The following NPSR1 variants were observed in gnomAD, a reference collection of about 807,000 sequenced individuals.
NPSR1 encodes the protein neuropeptide S receptor 1.
NPSR1 carries 48 observed loss-of-function variants against 46.9 expected under a neutral mutation model. The ratio of observed to expected loss-of-function variants is 1.02; its 90% CI spans 0.81 to 1.30. The LOEUF is 1.30. NPSR1 is among the 50% of genes most tolerant of loss of function. The pLI is 0.00. For missense variants in NPSR1, 450 were observed against 449.5 expected, an observed-to-expected ratio of 1.00 and a Z score of -0.01; for synonymous variants, 176 against 168.1, an observed-to-expected ratio of 1.05 and a Z score of -0.36.
chr7:34,701,884 G>C (rs955355744), intron 2 of NPSR1, among the ~76,000 whole-genome samples: 11 of 152,182 alleles, frequency 7.2e-5, no homozygotes, highest in Non-Finnish European at 1.3e-4. Context: ...GTGATTCTTT[G>C]AAGAACATTT....
intron 2 of NPSR1, among the ~76,000 whole-genome samples, chr7:34,711,718 A>T (rs1035617689): frequency 1.1e-4 from 16 of 152,278 alleles, no homozygotes; most frequent in African/African-American, 3.9e-4. Flanking sequence ...CCTAGCCCAG[A>T]GCCTGCTCAA....
downstream of NPSR1, among the ~76,000 whole-genome samples, chr7:34,854,255 T>A (rs1380002120): frequency 1.3e-5 from 2 of 152,134 alleles, no homozygotes; most frequent in Non-Finnish European, 2.9e-5. Context: ...AACAGGGACA[T>A]AAAACAGCTG....
rs536534610 is a variant in NPSR1, at chr7:34,680,539, T to C, written c.148-4013T>C. ...TCCCATGTCCCAGCATTTCCATACC[T>C]AGAATATGTACTAGAGAAAAAAAGT... is the stretch of plus-strand genomic sequence containing the variant. On this transcript the variant is annotated intron_variant, in intron 1 of 8. Coordinates refer to ENST00000360581, the MANE Select transcript of NPSR1 (RefSeq NM_207172.2). Among the ~76,000 whole-genome samples, 407 of 152,246 alleles carry C rather than the reference T, an allele frequency of 2.7e-3. 5 individuals carry two copies. The highest frequency in any genetic ancestry group is 9.3e-3 in the African/African-American group (388 of 41,530).
intron 2 of NPSR1, among the ~76,000 whole-genome samples, chr7:34,706,507 C>G (rs2128699396): frequency 6.6e-6 from 1 of 152,186 alleles, no homozygotes; most frequent in East Asian, 1.9e-4. Context: ...GCTAATTCTA[C>G]TTTTTATTGT....
intron 2 of NPSR1, among the ~76,000 whole-genome samples, chr7:34,748,566 G>T (rs577278779): frequency 2.8e-4 from 42 of 152,294 alleles, no homozygotes; most frequent in African/African-American, 9.4e-4. Context: ...ATACAACCGG[G>T]AATTCCTACA....
At chr7:34,724,933 A>G (rs1025104861) in intron 2 of NPSR1, among the ~76,000 whole-genome samples, 6 of 152,232 alleles carry the variant, frequency 3.9e-5, no homozygotes, top group South Asian at 2.1e-4. Context: ...TAAAACCGCA[A>G]ATGTCTGTGC....
intron 2 of NPSR1, among the ~76,000 whole-genome samples, chr7:34,715,363 A>G (rs532396074): frequency 6.6e-6 from 1 of 152,344 alleles, no homozygotes; most frequent in Admixed American, 6.5e-5. Context: ...CAAGTGGTTT[A>G]TAAGGTAGCC....
At position 34,658,488 on chromosome 7, in the gene NPSR1, T is replaced by C; in HGVS notation, c.76T>C (p.Cys26Arg). 2 of 1,614,154 alleles carry C rather than the reference T, an allele frequency of 1.2e-6. No individual in the cohort carries two copies. The highest frequency in any genetic ancestry group is 1.7e-6 in the Non-Finnish European group (2 of 1,179,976). ...GQTLDSSPVA[C>R]TETVTFTEVV... ...GACGCTGGATTCTTCCCCAGTGGCT[T>C]GCACTGAAACAGTGACTTTTACTGA... The change falls in exon 1 of 9, where the codon TGC (cysteine) becomes CGC (arginine). Residue 26 changes from cysteine (C) to arginine (R), a missense_variant. Cys to Arg is a radical substitution (Grantham distance 180). Coordinates refer to ENST00000360581, the MANE Select transcript of NPSR1 (RefSeq NM_207172.2).
At chr7:34,699,698 T>A (rs1793721996) in intron 2 of NPSR1, among the ~76,000 whole-genome samples, 1 of 152,110 alleles carries the variant, frequency 6.6e-6, no homozygotes, top group Admixed American at 6.5e-5. Context: ...GGCTCACTAA[T>A]CCTATGGAAT....
chr7:34,761,718 T>C (rs1394830067), intron 2 of NPSR1, among the ~76,000 whole-genome samples: 2 of 152,220 alleles, frequency 1.3e-5, no homozygotes, highest in Non-Finnish European at 2.9e-5. Context: ...ATCATTTCTG[T>C]GAATTCTTTT....
chr7:34,744,108 A>C (rs896856826), intron 2 of NPSR1, among the ~76,000 whole-genome samples: 3 of 152,002 alleles, frequency 2.0e-5, no homozygotes. Context: ...CTGGTGGTGG[A>C]TTTATCTTTT....
At chr7:34,768,559 G>A (rs1259235430) in intron 2 of NPSR1, 1 of 152,164 alleles carries the variant, frequency 6.6e-6, no homozygotes, top group African/African-American at 2.4e-5. Flanking sequence ...TATAACCCAT[G>A]TAAAATTTAA....
chr7:34,675,131 G>A (rs1226399900), intron 1 of NPSR1, among the ~76,000 whole-genome samples: 1 of 152,150 alleles, frequency 6.6e-6, no homozygotes, highest in Non-Finnish European at 1.5e-5. Flanking sequence ...TAAGATTGAG[G>A]ACAGTGATAA....
At chr7:34,845,066 A>G in intron 7 of NPSR1, 84 bp downstream of exon 7, 1 of 896,142 alleles carries the variant, frequency 1.1e-6, no homozygotes, top group South Asian at 1.3e-5. Context: ...GACAGAAAGG[A>G]ATTTGCCAGC....
At chr7:34,661,172 G>T (rs1791434322) in intron 1 of NPSR1, among the ~76,000 whole-genome samples, 1 of 152,064 alleles carries the variant, frequency 6.6e-6, no homozygotes, top group South Asian at 2.1e-4. Flanking sequence ...GTGGGTGGGG[G>T]CTCTCATTAA....
At chr7:34,866,931 A>T (rs1791328069) in intron 8 of NPSR1, among the ~76,000 whole-genome samples, 1 of 151,722 alleles carries the variant, frequency 6.6e-6, no homozygotes, top group Non-Finnish European at 1.5e-5. Context: ...ATAATAAAAG[A>T]TAAAAGATTT....
At chr7:34,815,353 G>A (rs778106890) in intron 4 of NPSR1, among the ~76,000 whole-genome samples, 16 of 152,220 alleles carry the variant, frequency 1.1e-4, no homozygotes, top group East Asian at 5.8e-4. Flanking sequence ...GAAATAAAGC[G>A]AGAAGACATG....
intron 3 of NPSR1, among the ~76,000 whole-genome samples, chr7:34,790,798 T>C (rs867364174): frequency 1.8e-4 from 22 of 120,554 alleles, no homozygotes; most frequent in Middle Eastern, 5.9e-3. Flanking sequence ...ATATATGTTA[T>C]AGGTTATATG....
intron 2 of NPSR1, among the ~76,000 whole-genome samples, chr7:34,690,328 GGAATGTAT>G (rs1793184666): frequency 6.6e-6 from 1 of 152,014 alleles, no homozygotes; most frequent in Non-Finnish European, 1.5e-5. Context: ...GAAATAACTC[GGAATGTAT>G]GAATAAAATA....
Sources: allele counts gnomAD v4.1 joint callset (sites outside exome capture counted in the v4.1 genomes callset), GRCh38; gene constraint gnomAD v4.1.1; transcripts MANE v1.5; gene names NCBI Gene and HGNC (gene_info 2026-07-23, HGNC 2026-07-21).